USP34: variants seen among roughly 807,000 people sequenced by gnomAD.
USP34 encodes the protein ubiquitin specific peptidase 34.
Under a neutral mutation model 460.3 loss-of-function variants are expected in USP34, and 70 were observed. That is an observed-to-expected ratio of 0.15 (90% CI 0.13 to 0.19). USP34 has a LOEUF of 0.19. Among genes scored for constraint, USP34 ranks in the 10% least tolerant of loss-of-function variants. The pLI, the probability that USP34 is intolerant of heterozygous loss-of-function variation, is 1.00. For synonymous variants in USP34, 1,647 were observed against 1,405.3 expected, an observed-to-expected ratio of 1.17 and a Z score of -3.85; for missense variants, 3,985 against 4,236.2, an observed-to-expected ratio of 0.94 and a Z score of 1.65.
At chr2:61,424,976 C>A (rs553506555) in intron 1 of USP34, among the ~76,000 whole-genome samples, 1 of 152,082 alleles carries the variant, frequency 6.6e-6, no homozygotes, top group Non-Finnish European at 1.5e-5. Flanking sequence ...TGTACCACCA[C>A]GCCCGGCTAA....
rs948642453 is a variant in USP34, at chr2:61,441,036, G to C, written c.44-20203C>G. Among the ~76,000 whole-genome samples the C allele has an allele frequency of 4.0e-5, 6 of 151,676 alleles. No individual in the cohort carries two copies. In the South Asian group the frequency reaches 1.3e-3, roughly 32 times the overall value. ...CCAGCTACTCGGGAGGCTGAGGCAG[G>C]AGAATGGCATGAAACTGGGAGGCGG... On this transcript the variant is annotated intron_variant, in intron 1 of 79. Transcript: ENST00000398571.
chr2:61,435,615 C>T lies in USP34; in HGVS notation c.44-14782G>A, dbSNP rs1694791820. Among the ~76,000 whole-genome samples, 3 of 152,084 alleles carry T rather than the reference C, an allele frequency of 2.0e-5. No homozygotes were observed. In the South Asian group the frequency reaches 6.2e-4, roughly 32 times the overall value. Reference sequence around the variant, plus strand: ...CTCAAGAATTTCATATATGGAAGAGCAAGCAAGGAACAAAGGATATATAAT... The same window carrying T: ...CTCAAGAATTTCATATATGGAAGAGTAAGCAAGGAACAAAGGATATATAAT... On this transcript the variant is annotated intron_variant, in intron 1 of 79. Coordinates refer to ENST00000398571, the MANE Select transcript of USP34 (RefSeq NM_014709.4).
intron 15 of USP34, among the ~76,000 whole-genome samples, chr2:61,344,705 C>T (rs1031085309): frequency 6.6e-6 from 1 of 152,164 alleles, no homozygotes; most frequent in African/African-American, 2.4e-5. Context: ...ATATATTGCA[C>T]CTCAGTTTTT....
intron 2 of USP34, among the ~76,000 whole-genome samples, chr2:61,407,688 A>C (rs962232021): frequency 3.3e-5 from 5 of 152,252 alleles, no homozygotes; most frequent in African/African-American, 1.2e-4. Context: ...AGACTAGGTC[A>C]TAAAAGACAT....
chr2:61,405,024 G>C (rs1693826111), intron 3 of USP34, among the ~76,000 whole-genome samples: 4 of 151,736 alleles, frequency 2.6e-5, no homozygotes. Context: ...TCAGGAGATC[G>C]AGACCATCCT....
chr2:61,301,000 A>C lies in USP34; in HGVS notation c.4079T>G (p.Leu1360Arg). The C allele has an allele frequency of 6.2e-7, 1 of 1,613,936 alleles. No homozygotes were observed. Among genetic ancestry groups the C allele is most frequent in the Non-Finnish European group, 8.5e-7 (1 of 1,179,952 alleles). The change falls in exon 29 of 80, where the codon CTT becomes CGT. Residue 1360 changes from leucine to arginine, a missense_variant. Leu to Arg is a moderately radical substitution (Grantham distance 102). Transcript: ENST00000398571. ...TCCTGAGGGTGGTTTAAATGATGCA[A>C]GCATCTCTAATAAATCAAAAAGAGT... Reference protein sequence around the residue: ...LTTLFDLLEMLASFKPPSGKV... With the variant: ...LTTLFDLLEMRASFKPPSGKV...
At chr2:61,280,523 A>G (rs1329780165) in intron 38 of USP34, among the ~76,000 whole-genome samples, 175 bp from the exon 39 acceptor site, 1 of 152,134 alleles carries the variant, frequency 6.6e-6, no homozygotes, top group African/African-American at 2.4e-5. Context: ...TAACCAGGCA[A>G]AAAAATGACA....
chr2:61,373,187 G>A (rs999254234), intron 8 of USP34, among the ~76,000 whole-genome samples: 3 of 151,708 alleles, frequency 2.0e-5, no homozygotes, highest in African/African-American at 7.3e-5. Flanking sequence ...TTAAATCAAT[G>A]CAATTAAAAT....
rs114812998 is a variant in USP34 at position 61,204,427 on chromosome 2, C to A, written c.9260-47G>T. 5.7e-4 allele frequency: 924 copies of A among 1,613,304 alleles called. 2 individuals are homozygous for A. In the African/African-American group the frequency reaches 0.011, roughly 19 times the overall value. On this transcript the variant is annotated intron_variant, in intron 73 of 79. Coordinates refer to ENST00000398571, the MANE Select transcript of USP34 (RefSeq NM_014709.4). ...GTAAGAATAAATGGAAAAAATAAATCTCCATGCTTCAGTGTGCAGAACGAT... is the reference window on the plus strand; with the variant it reads ...GTAAGAATAAATGGAAAAAATAAATATCCATGCTTCAGTGTGCAGAACGAT...
In USP34 at chr2:61,187,877, TA is replaced by T; in HGVS notation, c.*224del. ...CCACTAAAGTGAACTCTTAATTACA[TA>T]AAACATATCCATTATCTGATTGCCC... On this transcript the variant is annotated 3_prime_UTR_variant, in exon 80 of 80. Coordinates refer to ENST00000398571, the MANE Select transcript of USP34 (RefSeq NM_014709.4). The T allele has an allele frequency of 2.9e-6, 4 of 1,367,036 alleles. No homozygotes were observed. The highest frequency in any genetic ancestry group is 2.8e-6 in the Non-Finnish European group (3 of 1,053,570). 84.7% of individuals were successfully genotyped at this position (1,367,036 alleles called of 1,614,324 possible). A position where few individuals can be genotyped will look rare whatever the true frequency, so the allele number is the denominator to read the frequency against.
chr2:61,468,140 A>C (rs948540066), intron 1 of USP34, among the ~76,000 whole-genome samples: 1 of 152,188 alleles, frequency 6.6e-6, no homozygotes, highest in African/African-American at 2.4e-5. Flanking sequence ...AGAAAAAAAA[A>C]CAACTTTTAA....
chr2:61,288,959 G>A, intron 33 of USP34, 82 bp from the exon 34 acceptor site: 6 of 1,420,152 alleles, frequency 4.2e-6, no homozygotes, highest in South Asian at 2.5e-5. Context: ...TAAAAGACCA[G>A]AAAATAAAAA....
intron 72 of USP34, 71 bp downstream of exon 72, chr2:61,205,943 TAAC>T: frequency 8.6e-7 from 1 of 1,159,976 alleles, no homozygotes; most frequent in Non-Finnish European, 1.3e-6. Context: ...ACTACAGGCT[TAAC>T]ATCACGGAAA....
At chr2:61,212,827 T>A (rs373777166) in intron 68 of USP34, among the ~76,000 whole-genome samples, 2 of 152,222 alleles carry the variant, frequency 1.3e-5, no homozygotes, top group African/African-American at 4.8e-5. Context: ...CTTGTCAAAG[T>A]ATATTTAATT....
At chr2:61,353,070 C>T (rs1691992509) in intron 10 of USP34, among the ~76,000 whole-genome samples, 3 of 152,344 alleles carry the variant, frequency 2.0e-5, no homozygotes, top group South Asian at 4.1e-4. Flanking sequence ...GACACGCACA[C>T]TCCCAACCTG....
chr2:61,242,602 G>A (rs368205564), intron 51 of USP34, among the ~76,000 whole-genome samples: 3 of 152,142 alleles, frequency 2.0e-5, no homozygotes, highest in African/African-American at 7.2e-5. Context: ...AAAGGAGGCT[G>A]AACAAAGGAT....
intron 35 of USP34, 21 bp downstream of exon 35, chr2:61,284,854 A>T (rs1189650280): frequency 6.3e-7 from 1 of 1,584,572 alleles, no homozygotes; most frequent in African/African-American, 1.4e-5. Flanking sequence ...ACACACATAA[A>T]ATATATCTTA....
intron 12 of USP34, among the ~76,000 whole-genome samples, chr2:61,349,830 G>A (rs561657496): frequency 2.0e-5 from 3 of 147,674 alleles, no homozygotes; most frequent in East Asian, 3.9e-4. Flanking sequence ...GACAGACCGA[G>A]GCTCCGTCTC....
In USP34 at chr2:61,349,296, A is replaced by C. The variant is rs1553374411; in HGVS notation, c.1508-11T>G. On this transcript the variant is annotated splice_polypyrimidine_tract_variant and intron_variant, in intron 12 of 79. Transcript: ENST00000398571. ...TAAGCTCTTCTTCCTCTGAAGGAAA[A>C]GGAAAAAACAGGAGAAAAACATTCT... 5 of 1,612,302 alleles carry C rather than the reference A, an allele frequency of 3.1e-6. No homozygotes were observed. Among genetic ancestry groups the C allele is most frequent in the Non-Finnish European group, 4.2e-6 (5 of 1,179,230 alleles).
Sources: allele counts gnomAD v4.1 joint callset (sites outside exome capture counted in the v4.1 genomes callset), GRCh38; gene constraint gnomAD v4.1.1; transcripts MANE v1.5; gene names NCBI Gene and HGNC (gene_info 2026-07-23, HGNC 2026-07-21).